The following MMP26 variants were observed in gnomAD, a reference collection of about 807,000 sequenced individuals.
MMP26 encodes matrix metallopeptidase 26.
MMP26 carries 33 observed loss-of-function variants against 31.0 expected under a neutral mutation model. That is an observed-to-expected ratio of 1.06 (90% CI 0.81 to 1.42). The LOEUF (loss-of-function observed/expected upper bound fraction) is 1.42. Among genes scored for constraint, MMP26 ranks in the 40% most tolerant of loss-of-function variants. MMP26 has a pLI of 0.00. For missense variants in MMP26, 347 were observed against 316.1 expected, an observed-to-expected ratio of 1.10 and a Z score of -0.74; for synonymous variants, 122 against 114.9, an observed-to-expected ratio of 1.06 and a Z score of -0.40.
intron 2 of MMP26, among the ~76,000 whole-genome samples, chr11:4,849,629 T>TA (rs1399248061): frequency 1.3e-5 from 2 of 152,176 alleles, no homozygotes; most frequent in Non-Finnish European, 2.9e-5. Context: ...TTAAGATACT[T>TA]ACATTTTGGT....
rs779933082 is a variant in MMP26 at position 4,907,996 on chromosome 11, C to T, written c.-144-80072C>T. The T allele has an allele frequency of 6.2e-6, 10 of 1,614,188 alleles. No individual in the cohort carries two copies. The Admixed American group carries it at 1.3e-4, about 22-fold the overall frequency. On this transcript the variant is annotated intron_variant, in intron 2 of 7. Transcript: ENST00000380390. The stretch of plus-strand genomic sequence containing the variant: ...TCATTGCTCTCTGTACTATGCTGGA[C>T]TTGGCACTGATTGTTTTGTCTTATG...
intron 1 of MMP26, among the ~76,000 whole-genome samples, chr11:4,731,130 G>T (rs1224366409): frequency 6.6e-6 from 1 of 152,098 alleles, no homozygotes; most frequent in Non-Finnish European, 1.5e-5. Flanking sequence ...GTTTAGTAGA[G>T]ATGAGGTTTC....
intron 2 of MMP26, among the ~76,000 whole-genome samples, chr11:4,841,026 G>T (rs1849786776): frequency 6.6e-6 from 1 of 152,146 alleles, no homozygotes; most frequent in Non-Finnish European, 1.5e-5. Context: ...GCATACTGAA[G>T]AATGCATTAG....
In MMP26 at chr11:4,989,811, C is replaced by T. The variant is rs1564820666; in HGVS notation, c.263C>T (p.Ser88Phe). 1 of 1,613,406 alleles carries T rather than the reference C, an allele frequency of 6.2e-7. No homozygotes were observed. Residue 88 changes from serine (S) to phenylalanine (F), a missense_variant, in exon 4 of 8, where the codon TCC (serine) becomes TTC (phenylalanine). By Grantham distance (155) the Ser-to-Phe change is radical. Transcript: ENST00000380390. ...HQPHCGVPDG[S>F]DTSISPGRCK... ...CCCCACTGTGGGGTGCCTGATGGGT[C>T]CGACACCTCCATCTCGCCAGGAAGA...
chr11:4,757,316 C>A (rs764527425), intron 1 of MMP26, among the ~76,000 whole-genome samples: 42 of 151,946 alleles, frequency 2.8e-4, no homozygotes, highest in Middle Eastern at 3.4e-3. Flanking sequence ...CAAGCACTGT[C>A]CTAAAAAACT....
chr11:4,882,574 T>A lies in MMP26; in HGVS notation c.-144-105494T>A, dbSNP rs755347806. The stretch of plus-strand genomic sequence containing the variant: ...TTTTCTCCTATGTCCTGATCCTCCG[T>A]ACTGTTCTGGGCATTGTGGCCCGAA... On this transcript the variant is annotated intron_variant, in intron 2 of 7. Coordinates refer to ENST00000380390, the MANE Select transcript of MMP26 (RefSeq NM_021801.5). The A allele has an allele frequency of 1.4e-5, 22 of 1,613,846 alleles. No homozygotes were observed. The South Asian group carries it at 2.4e-4, about 18-fold the overall frequency.
intron 2 of MMP26, among the ~76,000 whole-genome samples, chr11:4,855,589 C>T (rs199625502): frequency 2.0e-5 from 3 of 152,178 alleles, no homozygotes; most frequent in African/African-American, 7.2e-5. Context: ...ACCAAATCTA[C>T]GTCTGATTGG....
At chr11:4,988,967 G>A (rs888027952) in intron 3 of MMP26, among the ~76,000 whole-genome samples, 4 of 152,110 alleles carry the variant, frequency 2.6e-5, no homozygotes, top group African/African-American at 9.7e-5. Flanking sequence ...ACAGTCAATA[G>A]GTTTACGTCA....
At chr11:4,985,914 T>C (rs969665273) in intron 2 of MMP26, among the ~76,000 whole-genome samples, 3 of 152,186 alleles carry the variant, frequency 2.0e-5, no homozygotes, top group Non-Finnish European at 4.4e-5. Context: ...ACTATACTCA[T>C]TGCTTTCTGC....
At chr11:4,915,450 C>G (rs1851069389) in intron 2 of MMP26, 2 of 1,613,934 alleles carry the variant, frequency 1.2e-6, no homozygotes, top group Non-Finnish European at 8.5e-7. Flanking sequence ...TCAATCAGAG[C>G]CAGCATGGAC....
intron 1 of MMP26, among the ~76,000 whole-genome samples, chr11:4,729,786 C>T (rs539374035): frequency 1.2e-4 from 18 of 151,850 alleles, no homozygotes; most frequent in African/African-American, 4.1e-4. Flanking sequence ...AATGAGAAAG[C>T]CTCTCATTGA....
intron 1 of MMP26, among the ~76,000 whole-genome samples, chr11:4,732,997 G>A (rs1287248897): frequency 1.3e-5 from 2 of 152,216 alleles, no homozygotes; most frequent in African/African-American, 2.4e-5. Context: ...CTCAATTCCA[G>A]TTCACTGAGG....
At position 4,907,398 on chromosome 11, in the gene MMP26, A is replaced by G. The variant is rs755566316; in HGVS notation, c.-144-80670A>G. 8 of 1,613,548 alleles carry G rather than the reference A, an allele frequency of 5.0e-6. No homozygotes were observed. In the South Asian group the frequency reaches 5.5e-5, roughly 11 times the overall value. ...TCTGTTCTCAATAACTCCGAAGTCA[A>G]GCTTTTCCTTCTGATTGGGATCCCA... On this transcript the variant is annotated intron_variant, in intron 2 of 7. Coordinates refer to ENST00000380390, the MANE Select transcript of MMP26 (RefSeq NM_021801.5).
chr11:4,856,345 C>T (rs1386633239), intron 2 of MMP26, among the ~76,000 whole-genome samples: 1 of 152,120 alleles, frequency 6.6e-6, no homozygotes, highest in East Asian at 1.9e-4. Context: ...TGCAGAGACA[C>T]ACATAGGCTG....
intron 1 of MMP26, among the ~76,000 whole-genome samples, 178 bp downstream of exon 1, chr11:4,705,223 C>A (rs1166972791): frequency 1.3e-5 from 2 of 152,022 alleles, no homozygotes; most frequent in Non-Finnish European, 2.9e-5. Flanking sequence ...AATAGTTATT[C>A]CAAATATAGA....
At chr11:4,987,718 G>A (rs1722094595) in intron 2 of MMP26, among the ~76,000 whole-genome samples, 1 of 152,158 alleles carries the variant, frequency 6.6e-6, no homozygotes, top group Non-Finnish European at 1.5e-5. Flanking sequence ...TGCCAGGCCA[G>A]GTCTTGGAGA....
intron 2 of MMP26, among the ~76,000 whole-genome samples, chr11:4,939,441 C>T (rs1427294506): frequency 2.6e-5 from 4 of 152,134 alleles, no homozygotes; most frequent in African/African-American, 9.7e-5. Flanking sequence ...CTTAATATCT[C>T]AGAACACAGT....
Position 4,953,537 on chromosome 11 carries a change from A to G in MMP26, c.-144-34531A>G, listed in dbSNP as rs895412198. On this transcript the variant is annotated intron_variant, in intron 2 of 7. Transcript: ENST00000380390. Reference sequence around the variant, plus strand: ...ACAAGCTTGGGCTAGGTAATTTATGATGAAATTAAGCCAACATTTAAAGAA... The same window carrying G: ...ACAAGCTTGGGCTAGGTAATTTATGGTGAAATTAAGCCAACATTTAAAGAA... Among the ~76,000 whole-genome samples, 8 of 125,350 alleles carry G rather than the reference A, an allele frequency of 6.4e-5. 2 individuals carry two copies. Among genetic ancestry groups the G allele is most frequent in the Non-Finnish European group, 1.4e-4 (8 of 55,456 alleles). The allele number at this position is 125,350 out of a possible 152,430, so 82.2% of individuals were successfully genotyped here. A position where few individuals can be genotyped will look rare whatever the true frequency, so the allele number is the denominator to read the frequency against.
chr11:4,848,840 C>G, intron 2 of MMP26: 1 of 1,614,122 alleles, frequency 6.2e-7, no homozygotes, highest in Non-Finnish European at 8.5e-7. Flanking sequence ...ACATGGCGAG[C>G]AAGACAGAGG....
Sources: gnomAD v4.1 joint callset for allele counts (sites outside exome capture counted in the v4.1 genomes callset) on GRCh38, gnomAD v4.1.1 for gene constraint, MANE v1.5 for transcripts, NCBI Gene and HGNC (gene_info 2026-07-23, HGNC 2026-07-21) for gene names.